The following MICU1 variants were observed in gnomAD, a reference collection of about 807,000 sequenced individuals.
MICU1 encodes calcium uptake protein 1, mitochondrial.
A neutral mutation model predicts 56.8 loss-of-function variants in MICU1; 45 were observed. The ratio of observed to expected loss-of-function variants is 0.79; its 90% CI spans 0.62 to 1.02. MICU1 has a LOEUF of 1.02. Among genes scored for constraint, MICU1 ranks in the 50% least tolerant of loss-of-function variants. MICU1 has a pLI of 0.00. For synonymous variants in MICU1, 186 were observed against 195.1 expected (o/e 0.95, Z 0.39); for missense variants, 504 against 587.1 (o/e 0.86, Z 1.46).
intron 10 of MICU1, 52 bp from the exon 11 acceptor site, chr10:72,375,924 TTC>T: frequency 6.5e-7 from 1 of 1,529,214 alleles, no homozygotes; most frequent in Non-Finnish European, 8.9e-7. Flanking sequence ...TCATTTTGCT[TTC>T]TCTGATTCAG....
At chr10:72,612,718 T>A (rs1038162845) in intron 1 of MICU1, among the ~76,000 whole-genome samples, 11 of 152,034 alleles carry the variant, frequency 7.2e-5, no homozygotes, top group African/African-American at 2.7e-4. Flanking sequence ...GGAGGACCCT[T>A]TGAGCCTAGG....
intron 6 of MICU1, among the ~76,000 whole-genome samples, chr10:72,478,893 T>C (rs1283757010): frequency 6.6e-6 from 1 of 152,174 alleles, no homozygotes; most frequent in South Asian, 2.1e-4. Context: ...CCTTGGCCTC[T>C]CAAAGTCCTG....
chr10:72,381,961 T>TACACAC (rs1180116551), intron 10 of MICU1, among the ~76,000 whole-genome samples: 1 of 72,648 alleles, frequency 1.4e-5, no homozygotes, highest in African/African-American at 4.6e-5. Flanking sequence ...TATATATATC[T>TACACAC]ATACACACAC....
chr10:72,417,806 C>T (rs143612114), intron 9 of MICU1, among the ~76,000 whole-genome samples: 1 of 152,298 alleles, frequency 6.6e-6, no homozygotes, highest in East Asian at 1.9e-4. Flanking sequence ...TTGCATCTCT[C>T]GAGCAGTGGC....
intron 6 of MICU1, among the ~76,000 whole-genome samples, chr10:72,479,286 T>C (rs1484479789): frequency 4.6e-5 from 7 of 152,128 alleles, no homozygotes; most frequent in Admixed American, 3.3e-4. Flanking sequence ...AATGTGAACA[T>C]AGAGGTACTT....
intron 8 of MICU1, among the ~76,000 whole-genome samples, chr10:72,460,521 G>A (rs1865609084): frequency 6.6e-6 from 1 of 152,186 alleles, no homozygotes; most frequent in Admixed American, 6.5e-5. Context: ...GAAAAATAAT[G>A]AGAAATAAAA....
At chr10:72,470,989 A>G (rs1865933329) in intron 8 of MICU1, among the ~76,000 whole-genome samples, 1 of 152,180 alleles carries the variant, frequency 6.6e-6, no homozygotes, top group Non-Finnish European at 1.5e-5. Context: ...TGTCTTTTAC[A>G]TCTCTTTTCT....
chr10:72,373,920 A>G (rs1455998164), intron 11 of MICU1, among the ~76,000 whole-genome samples: 1 of 152,218 alleles, frequency 6.6e-6, no homozygotes, highest in Non-Finnish European at 1.5e-5. Context: ...GTGCTATTCA[A>G]TACAGTAGCC....
Position 72,533,783 on chromosome 10 carries a change from C to T in MICU1, c.500G>A (p.Gly167Asp). 1.3e-6 allele frequency: 2 copies of T among 1,593,700 alleles called. No individual in the cohort carries two copies. Among genetic ancestry groups the T allele is most frequent in the East Asian group, 2.2e-5 (1 of 44,498 alleles). The change falls in exon 5 of 12, where the codon GGT becomes GAT. Residue 167 changes from glycine to aspartate, a missense_variant. By Grantham distance (94) the Gly-to-Asp change is moderately conservative (BLOSUM62 -1). Transcript: ENST00000361114. ...GCGTTTTATTATATATTGATCCAGACCCAAGTCTGTAAAAGAAAAGGAAAA... is the reference window on the plus strand; with the variant it reads ...GCGTTTTATTATATATTGATCCAGATCCAAGTCTGTAAAAGAAAAGGAAAA... ...TPNEKQPEHL[G>D]LDQYIIKRFD...
chr10:72,569,237 A>ATATATATATATATATTTTTTTT, intron 1 of MICU1, among the ~76,000 whole-genome samples: 1 of 34,392 alleles, frequency 2.9e-5, no homozygotes, highest in Non-Finnish European at 5.1e-5. Context: ...ATATATATAT[A>ATATATATATATATATTTTTTTT]TTTTTTTTTT....
intron 1 of MICU1, among the ~76,000 whole-genome samples, chr10:72,597,698 T>A (rs1483201107): frequency 6.6e-6 from 1 of 152,214 alleles, no homozygotes; most frequent in Non-Finnish European, 1.5e-5. Context: ...ACCTTATACA[T>A]ATAGCCTGAA....
chr10:72,534,052 T>C (rs1003120893), intron 4 of MICU1, among the ~76,000 whole-genome samples: 1 of 152,190 alleles, frequency 6.6e-6, no homozygotes, highest in South Asian at 2.1e-4. Context: ...TAGAGTCCAG[T>C]TAGAACTCTG....
At chr10:72,535,775 C>T (rs1839617092) in intron 4 of MICU1, among the ~76,000 whole-genome samples, 1 of 152,152 alleles carries the variant, frequency 6.6e-6, no homozygotes, top group Admixed American at 6.5e-5. Flanking sequence ...CAGATGTATG[C>T]TTACTAATTG....
chr10:72,375,714 C>T (rs2132036917), intron 11 of MICU1, 69 bp downstream of exon 11: 1 of 1,425,934 alleles, frequency 7.0e-7, no homozygotes, highest in Non-Finnish European at 9.6e-7. Flanking sequence ...CGCAAGGCTC[C>T]ATTATACACA....
chr10:72,398,866 A>G (rs1237261595), intron 10 of MICU1, among the ~76,000 whole-genome samples: 1 of 152,250 alleles, frequency 6.6e-6, no homozygotes, highest in Non-Finnish European at 1.5e-5. Flanking sequence ...CCAGAGGTAC[A>G]AAAAGGAGCT....
intron 10 of MICU1, among the ~76,000 whole-genome samples, chr10:72,394,489 C>T (rs1197047453): frequency 6.6e-6 from 1 of 151,714 alleles, no homozygotes; most frequent in Non-Finnish European, 1.5e-5. Flanking sequence ...AGCCAGGTGT[C>T]GTGGCACATG....
At chr10:72,418,372 C>T (rs1864052480) in intron 9 of MICU1, among the ~76,000 whole-genome samples, 1 of 152,160 alleles carries the variant, frequency 6.6e-6, no homozygotes, top group African/African-American at 2.4e-5. Flanking sequence ...AAAAATTCCT[C>T]AAGTGATCCT....
chr10:72,508,941 A>G (rs1867351191), intron 5 of MICU1, among the ~76,000 whole-genome samples: 1 of 152,160 alleles, frequency 6.6e-6, no homozygotes, highest in Non-Finnish European at 1.5e-5. Context: ...TGTCTCCTAC[A>G]ACTTAGTTTT....
intron 6 of MICU1, among the ~76,000 whole-genome samples, chr10:72,481,518 T>A (rs1461388519): frequency 1.3e-5 from 2 of 152,142 alleles, no homozygotes; most frequent in Non-Finnish European, 2.9e-5. Context: ...TTTAAGTGAT[T>A]CTCGTGCCTC....
Sources: gnomAD v4.1 joint callset for allele counts (sites outside exome capture counted in the v4.1 genomes callset) on GRCh38, gnomAD v4.1.1 for gene constraint, MANE v1.5 for transcripts, NCBI Gene and HGNC (gene_info 2026-07-23, HGNC 2026-07-21) for gene names.